DRD3: variants seen among roughly 807,000 people sequenced by gnomAD.
The protein encoded by DRD3 is dopamine receptor D3.
In DRD3, 19 loss-of-function variants were observed where a neutral mutation model predicts 36.3. The observed-to-expected ratio is 0.52, with a 90% CI of 0.36 to 0.77. The LOEUF is 0.77. Ranked by LOEUF, DRD3 falls within the 30% of genes least tolerant of loss-of-function variation. The probability of loss-of-function intolerance (pLI) is 0.00; values close to 1 mark genes in which losing one functional copy is unlikely to be tolerated. For missense variants in DRD3, 465 were observed against 505.3 expected (o/e 0.92, Z 0.77); for synonymous variants, 195 against 203.7 (o/e 0.96, Z 0.36).
intron 1 of DRD3, among the ~76,000 whole-genome samples, chr3:114,188,920 G>C (rs943134570): frequency 6.6e-6 from 1 of 152,118 alleles, no homozygotes; most frequent in East Asian, 1.9e-4. Flanking sequence ...TTGTCAAAGG[G>C]AATTACCTGA....
intron 1 of DRD3, 32 bp downstream of exon 1, chr3:114,178,625 C>T (rs973846146): frequency 1.3e-5 from 2 of 152,064 alleles, no homozygotes; most frequent in Non-Finnish European, 2.9e-5. Context: ...ATACTATGTC[C>T]TAAATTAGAA....
chr3:114,142,217 TCTG>T (rs2077532292), intron 4 of DRD3, among the ~76,000 whole-genome samples: 1 of 152,128 alleles, frequency 6.6e-6, no homozygotes, highest in Admixed American at 6.5e-5. Context: ...TTGGTGGTGA[TCTG>T]CTCCTTCTCT....
intron 2 of DRD3, among the ~76,000 whole-genome samples, chr3:114,168,386 T>C (rs779898013): frequency 6.6e-6 from 1 of 152,204 alleles, no homozygotes; most frequent in African/African-American, 2.4e-5. Context: ...ATTGCCTACG[T>C]CAGAGCAATT....
In DRD3 at chr3:114,178,789, C is replaced by T. The variant is rs894549950; in HGVS notation, c.-168G>A. The T allele has an allele frequency of 2.0e-5, 3 of 152,122 alleles. No individual in the cohort carries two copies. The highest frequency in any genetic ancestry group is 7.2e-5 in the African/African-American group (3 of 41,418). The allele number at this position is 152,122 out of a possible 1,614,324, so 9.4% of individuals were successfully genotyped here. On this transcript the variant is annotated 5_prime_UTR_variant, in exon 1 of 7. Transcript: ENST00000383673. ...CAGGACTCAGAAACTATGAAATGAA[C>T]AGAAAGAAATCACCCATTTTTGCCT...
rs556374569 is a variant in DRD3, at chr3:114,136,872, A to G, written c.723+2628T>C. Among the ~76,000 whole-genome samples the G allele has an allele frequency of 3.3e-5, 5 of 152,302 alleles. No homozygotes were observed. In the South Asian group the frequency reaches 1.0e-3, roughly 32 times the overall value. On this transcript the variant is annotated intron_variant, in intron 5 of 6. Transcript: ENST00000383673. The stretch of plus-strand genomic sequence containing the variant: ...ATGAAGTTGTCTTGGTTTTTCCCAC[A>G]TTCAGTGGTAAATATGGCACTTGAA...
In DRD3 at chr3:114,131,300, TCTC is replaced by T; in HGVS notation, c.821_823del (p.Gly274del). ...CCGAGTCTTCTCCTCTCTTTTCAAC[TCTC>T]CTCCTCTTTCTTGGAAGCCTGGTCC... is the stretch of plus-strand genomic sequence containing the variant. On this transcript the variant is annotated inframe_deletion, in exon 6 of 7. Coordinates refer to ENST00000383673, the MANE Select transcript of DRD3 (RefSeq NM_000796.6). 1.2e-6 allele frequency: 2 copies of T among 1,614,170 alleles called. No individual in the cohort carries two copies. The highest frequency in any genetic ancestry group is 1.1e-5 in the South Asian group (1 of 91,084).
At chr3:114,177,917 A>G (rs1357641472) in intron 1 of DRD3, among the ~76,000 whole-genome samples, 1 of 152,220 alleles carries the variant, frequency 6.6e-6, no homozygotes, top group Admixed American at 6.5e-5. Context: ...CTATAAAGTG[A>G]AATAGTCATG....
chr3:114,174,359 C>T (rs548323074), intron 1 of DRD3, among the ~76,000 whole-genome samples: 5 of 152,302 alleles, frequency 3.3e-5, no homozygotes, highest in Non-Finnish European at 5.9e-5. Flanking sequence ...ATGTCTTAGC[C>T]TCCTCTCACC....
At chr3:114,171,594 A>G in intron 2 of DRD3, 129 bp downstream of exon 2, 2 of 1,219,736 alleles carry the variant, frequency 1.6e-6, no homozygotes, top group Non-Finnish European at 2.2e-6. Flanking sequence ...TTACAGGGAG[A>G]ATGAGAGCTC....
intron 1 of DRD3, among the ~76,000 whole-genome samples, chr3:114,192,979 A>G (rs1283430960): frequency 6.6e-6 from 1 of 152,166 alleles, no homozygotes; most frequent in Non-Finnish European, 1.5e-5. Context: ...GCGACAAAAC[A>G]AAACAAACAA....
intron 4 of DRD3, among the ~76,000 whole-genome samples, chr3:114,142,069 A>G (rs1228792416): frequency 2.0e-5 from 3 of 149,768 alleles, no homozygotes; most frequent in African/African-American, 7.4e-5. Flanking sequence ...AAAAAAAAAA[A>G]AAAGAAAAGA....
In DRD3 at chr3:114,154,594, C is replaced by G. The variant is rs998759958; in HGVS notation, c.383+5161G>C. On this transcript the variant is annotated intron_variant, in intron 3 of 6. Coordinates refer to ENST00000383673, the MANE Select transcript of DRD3 (RefSeq NM_000796.6). ...AAGCTTTTTGCAAATGACTGGAAAG[C>G]CTTTTGCAAATATAAAGTGCTTATT... Among the ~76,000 whole-genome samples, 3 of 151,726 alleles carry G rather than the reference C, an allele frequency of 2.0e-5. 1 individual carries two copies. The highest frequency in any genetic ancestry group is 2.0e-4 in the Admixed American group (3 of 15,282).
chr3:114,153,653 A>C (rs2077638876), intron 3 of DRD3, among the ~76,000 whole-genome samples: 1 of 152,206 alleles, frequency 6.6e-6, no homozygotes, highest in South Asian at 2.1e-4. Context: ...CTGGATTTTT[A>C]GCCAGGCAGT....
chr3:114,154,282 C>T (rs1415194038), intron 3 of DRD3, among the ~76,000 whole-genome samples: 15 of 152,114 alleles, frequency 9.9e-5, no homozygotes, highest in Admixed American at 9.8e-4. Context: ...CAGTACCTTG[C>T]AGAATTTGAT....
intron 1 of DRD3, chr3:114,176,261 C>T (rs1202359529): frequency 6.6e-6 from 1 of 152,136 alleles, no homozygotes; most frequent in Non-Finnish European, 1.5e-5. Context: ...AGTATGAGTA[C>T]TTTACATGCA....
upstream of DRD3, among the ~76,000 whole-genome samples, chr3:114,182,401 C>T (rs1029972089): frequency 2.6e-5 from 4 of 152,154 alleles, no homozygotes; most frequent in Non-Finnish European, 4.4e-5. Flanking sequence ...AAGGAGGCTT[C>T]TCAATCAATC....
intron 4 of DRD3, among the ~76,000 whole-genome samples, chr3:114,146,104 T>C (rs1577592401): frequency 1.3e-5 from 2 of 152,220 alleles, no homozygotes; most frequent in African/African-American, 4.8e-5. Flanking sequence ...TTCCAAAATA[T>C]ATTTTGATTT....
rs1368797379 is a variant in DRD3 at position 114,141,404 on chromosome 3, T to TA, written c.527-1709dup. ...AAAGAAAAAGCCTAGAAATATTGTA[T>TA]AGTAGTTGTGAGAATTAATGAGAAT... On this transcript the variant is annotated intron_variant, in intron 4 of 6. Transcript: ENST00000383673. Among the ~76,000 whole-genome samples the TA allele has an allele frequency of 2.0e-5, 3 of 152,340 alleles. No homozygotes were observed. In the East Asian group the frequency reaches 5.8e-4, roughly 29 times the overall value.
chr3:114,194,172 G>A (rs1320697556), intron 1 of DRD3, among the ~76,000 whole-genome samples: 9 of 152,200 alleles, frequency 5.9e-5, no homozygotes, highest in Non-Finnish European at 1.2e-4. Context: ...CTGTAAGTCA[G>A]TGTTTTAGAT....
Sources: gnomAD v4.1 joint callset for allele counts (sites outside exome capture counted in the v4.1 genomes callset) on GRCh38, gnomAD v4.1.1 for gene constraint, MANE v1.5 for transcripts, NCBI Gene and HGNC (gene_info 2026-07-23, HGNC 2026-07-21) for gene names.